Variants in WDR70 observed in about 807,000 individuals in gnomAD.
The protein encoded by WDR70 is WD repeat-containing protein 70.
In WDR70, 53 loss-of-function variants were observed where a neutral mutation model predicts 88.6. The observed-to-expected ratio is 0.60, with a 90% CI of 0.48 to 0.75. The LOEUF is 0.75. Ranked by LOEUF, WDR70 falls within the 30% of genes least tolerant of loss-of-function variation. WDR70 has a pLI of 0.00. For synonymous variants in WDR70, 280 were observed against 270.0 expected, an observed-to-expected ratio of 1.04 and a Z score of -0.36; for missense variants, 610 against 823.2, an observed-to-expected ratio of 0.74 and a Z score of 3.17.
intron 8 of WDR70, among the ~76,000 whole-genome samples, chr5:37,510,150 TTAAAAGGGGTG>T (rs1443321462): frequency 6.6e-6 from 1 of 152,098 alleles, no homozygotes; most frequent in African/African-American, 2.4e-5. Context: ...TAGCTGTAAA[TTAAAAGGGGTG>T]TAAAGCTTCT....
At chr5:37,495,623 A>ACC (rs1740193989) in intron 8 of WDR70, among the ~76,000 whole-genome samples, 1 of 152,202 alleles carries the variant, frequency 6.6e-6, no homozygotes, top group Non-Finnish European at 1.5e-5. Flanking sequence ...AAGGCTGTTA[A>ACC]ATAAAGGAAG....
At chr5:37,578,557 C>T (rs1308373428) in intron 9 of WDR70, among the ~76,000 whole-genome samples, 1 of 152,130 alleles carries the variant, frequency 6.6e-6, no homozygotes, top group Non-Finnish European at 1.5e-5. Flanking sequence ...TAGTGTTTCT[C>T]AGTTTTATTG....
chr5:37,489,223 A>C (rs1009062417), intron 8 of WDR70, among the ~76,000 whole-genome samples: 1 of 152,226 alleles, frequency 6.6e-6, no homozygotes, highest in Non-Finnish European at 1.5e-5. Context: ...CCTTGCGCAC[A>C]GTATATGAGC....
intron 10 of WDR70, among the ~76,000 whole-genome samples, chr5:37,623,854 G>C (rs539513871): frequency 1.3e-5 from 2 of 152,058 alleles, no homozygotes; most frequent in African/African-American, 4.8e-5. Context: ...TATTTATTCA[G>C]TTACTCATAT....
intron 9 of WDR70, among the ~76,000 whole-genome samples, chr5:37,532,166 T>G (rs1043661425): frequency 3.9e-5 from 6 of 152,228 alleles, no homozygotes; most frequent in Admixed American, 6.5e-5. Context: ...GGTTACCTGG[T>G]GCTTTTGTCT....
At chr5:37,469,054 AAT>A (rs1739249400) in intron 7 of WDR70, among the ~76,000 whole-genome samples, 2 of 152,226 alleles carry the variant, frequency 1.3e-5, no homozygotes, top group Non-Finnish European at 2.9e-5. Flanking sequence ...CTATAAACAA[AAT>A]ATATATAATA....
intron 5 of WDR70, among the ~76,000 whole-genome samples, chr5:37,404,698 T>G (rs918379425): frequency 3.3e-5 from 5 of 151,590 alleles, no homozygotes; most frequent in Admixed American, 3.3e-4. Flanking sequence ...GCTCTGACAG[T>G]TTTTTTTTAA....
At chr5:37,608,872 G>A (rs1038666039) in intron 10 of WDR70, among the ~76,000 whole-genome samples, 1 of 152,070 alleles carries the variant, frequency 6.6e-6, no homozygotes, top group African/African-American at 2.4e-5. Context: ...TTTATTGGCT[G>A]TTTCCTTCTA....
chr5:37,382,573 A>G (rs145942137), intron 3 of WDR70, among the ~76,000 whole-genome samples: 14,928 of 151,540 alleles, frequency 0.099, 815 homozygotes, highest in Admixed American at 0.15. Context: ...CACCACGCCC[A>G]GCTAATTTTT....
intron 9 of WDR70, among the ~76,000 whole-genome samples, chr5:37,562,600 C>G (rs1032408033): frequency 1.3e-5 from 2 of 152,252 alleles, no homozygotes; most frequent in East Asian, 3.9e-4. Flanking sequence ...TCCGGCCTTC[C>G]GCAGTGTTTG....
At chr5:37,641,525 T>C (rs1745103628) in intron 10 of WDR70, among the ~76,000 whole-genome samples, 2 of 150,822 alleles carry the variant, frequency 1.3e-5, no homozygotes, top group South Asian at 4.3e-4. Flanking sequence ...CAAGTGATTA[T>C]CCTGCCTCAG....
intron 9 of WDR70, among the ~76,000 whole-genome samples, chr5:37,533,940 C>A (rs1581373900): frequency 6.6e-6 from 1 of 152,258 alleles, no homozygotes; most frequent in African/African-American, 2.4e-5. Flanking sequence ...GTGAACCTCC[C>A]TGTTGAGAAA....
At chr5:37,493,556 ACAGTT>A (rs1468687110) in intron 8 of WDR70, among the ~76,000 whole-genome samples, 1 of 152,166 alleles carries the variant, frequency 6.6e-6, no homozygotes, top group Non-Finnish European at 1.5e-5. Context: ...AGAAAATAGT[ACAGTT>A]CTACTAACAT....
intron 10 of WDR70, among the ~76,000 whole-genome samples, chr5:37,610,771 A>G (rs745968504): frequency 1.3e-5 from 2 of 152,200 alleles, no homozygotes; most frequent in Admixed American, 6.5e-5. Context: ...GGCAGAGGTC[A>G]GGTGGGGAGT....
chr5:37,700,223 T>G (rs1422064365), intron 11 of WDR70: 1 of 152,186 alleles, frequency 6.6e-6, no homozygotes, highest in Non-Finnish European at 1.5e-5. Flanking sequence ...CTGTGGGCAC[T>G]GGGGAGAAAG....
chr5:37,474,947 CTTG>C (rs1739433205), intron 7 of WDR70, among the ~76,000 whole-genome samples: 3 of 152,056 alleles, frequency 2.0e-5, no homozygotes, highest in Admixed American at 6.5e-5. Flanking sequence ...GGGACAGAGT[CTTG>C]CTCTATTGCC....
chr5:37,394,089 G>A lies in WDR70; in HGVS notation c.296+1969G>A, dbSNP rs183854611. Among the ~76,000 whole-genome samples, 5 of 152,058 alleles carry A rather than the reference G, an allele frequency of 3.3e-5. No individual in the cohort carries two copies. The East Asian group carries it at 5.8e-4, about 18-fold the overall frequency. On this transcript the variant is annotated intron_variant, in intron 4 of 17. Coordinates refer to ENST00000265107, the MANE Select transcript of WDR70 (RefSeq NM_018034.4). ...TGGGAGGCCGAACTGGGTGGATCACGAGGTCAGGAGTTCGAGACCAGCCTG... is the reference window on the plus strand; with the variant it reads ...TGGGAGGCCGAACTGGGTGGATCACAAGGTCAGGAGTTCGAGACCAGCCTG...
chr5:37,563,627 C>G (rs1273406513), intron 9 of WDR70, among the ~76,000 whole-genome samples: 1 of 3,190 alleles, frequency 3.1e-4, no homozygotes, highest in African/African-American at 2.8e-3. Context: ...CACCTCCCCC[C>G]GGATGGGGCG....
chr5:37,710,458 G>T (rs902471235), intron 13 of WDR70, among the ~76,000 whole-genome samples: 2 of 151,934 alleles, frequency 1.3e-5, no homozygotes, highest in Non-Finnish European at 2.9e-5. Context: ...ATAAATCAGC[G>T]GTCCCCAACT....
Sources: gnomAD v4.1 joint callset for allele counts (sites outside exome capture counted in the v4.1 genomes callset) on GRCh38, gnomAD v4.1.1 for gene constraint, MANE v1.5 for transcripts, NCBI Gene and HGNC (gene_info 2026-07-23, HGNC 2026-07-21) for gene names.